Variants in CECR2 observed in about 807,000 individuals in gnomAD.
CECR2 encodes the protein CECR2 histone acetyl-lysine reader.
A neutral mutation model predicts 154.5 loss-of-function variants in CECR2; 30 were observed. The observed-to-expected ratio is 0.19, with a 90% CI of 0.15 to 0.26. The LOEUF is 0.26. Among genes scored for constraint, CECR2 ranks in the 10% least tolerant of loss-of-function variants. The probability of loss-of-function intolerance (pLI) is 1.00; values close to 1 mark genes in which losing one functional copy is unlikely to be tolerated. For synonymous variants in CECR2, 725 were observed against 683.7 expected, an observed-to-expected ratio of 1.06 and a Z score of -0.94; for missense variants, 1,743 against 1,829.3, an observed-to-expected ratio of 0.95 and a Z score of 0.86.
At chr22:17,552,174 C>T (rs371954003) in intron 18 of CECR2, 32 bp downstream of exon 18, 12 of 1,580,506 alleles carry the variant, frequency 7.6e-6, no homozygotes, top group Non-Finnish European at 1.0e-5. Context: ...AGCTGTTCTT[C>T]TTCCTCCAGG....
At chr22:17,521,598 AT>A (rs1263275614) in intron 8 of CECR2, among the ~76,000 whole-genome samples, 2 of 150,234 alleles carry the variant, frequency 1.3e-5, no homozygotes, top group Non-Finnish European at 3.0e-5. Flanking sequence ...GGGTTGTTTG[AT>A]TTTTTTTGTT....
At position 17,558,012 on chromosome 22, in the gene CECR2, C is replaced by T. The variant is rs557731547; in HGVS notation, c.*5172C>T. ...CCTGTTTCACTGAGAGCGACACTTA[C>T]CTCAATAGTTAGTTCAATATTGTGT... On this transcript the variant is annotated 3_prime_UTR_variant, in exon 19 of 19. Transcript: ENST00000262608. 6.6e-6 allele frequency: 1 copy of T among 152,306 alleles called. No individual in the cohort carries two copies. The highest frequency in any genetic ancestry group is 1.9e-4 in the East Asian group (1 of 5,184). The allele number at this position is 152,306 out of a possible 1,614,324, so 9.4% of individuals were successfully genotyped here. A position where few individuals can be genotyped will look rare whatever the true frequency, so the allele number is the denominator to read the frequency against.
At chr22:17,546,381 G>T (rs1167877071) in intron 16 of CECR2, among the ~76,000 whole-genome samples, 2 of 151,664 alleles carry the variant, frequency 1.3e-5, no homozygotes, top group Admixed American at 1.3e-4. Flanking sequence ...AGCTACTCCG[G>T]AGGCTGAGGT....
At chr22:17,551,377 G>T (rs2056705982) in intron 17 of CECR2, among the ~76,000 whole-genome samples, 1 of 143,534 alleles carries the variant, frequency 7.0e-6, no homozygotes, top group South Asian at 2.5e-4. Context: ...TCATGGATTT[G>T]CATTTGGCTG....
intron 2 of CECR2, among the ~76,000 whole-genome samples, chr22:17,478,384 C>T (rs2055246133): frequency 7.9e-6 from 1 of 127,050 alleles, no homozygotes. Flanking sequence ...GAGACGGAGT[C>T]TCACTCTGTC....
chr22:17,409,015 C>T (rs907785182), intron 1 of CECR2, among the ~76,000 whole-genome samples: 1 of 152,240 alleles, frequency 6.6e-6, no homozygotes, highest in African/African-American at 2.4e-5. Context: ...TGCACCTGCT[C>T]ATGGTTTCCA....
chr22:17,539,979 G>C (rs1358121386), intron 13 of CECR2, among the ~76,000 whole-genome samples: 1 of 152,130 alleles, frequency 6.6e-6, no homozygotes, highest in Non-Finnish European at 1.5e-5. Context: ...CTATCGGCAT[G>C]TGCGACCATA....
chr22:17,420,088 A>T (rs2054222538), intron 1 of CECR2, among the ~76,000 whole-genome samples: 1 of 152,242 alleles, frequency 6.6e-6, no homozygotes, highest in African/African-American at 2.4e-5. Flanking sequence ...TTCAATACTT[A>T]CGAAAGGAAG....
chr22:17,547,472 T>C (rs554205968), intron 16 of CECR2, among the ~76,000 whole-genome samples: 5 of 152,266 alleles, frequency 3.3e-5, no homozygotes, highest in African/African-American at 9.6e-5. Flanking sequence ...CCTCGTGATC[T>C]GCCCGCCTCG....
chr22:17,453,191 C>T (rs1310059067), intron 1 of CECR2, among the ~76,000 whole-genome samples: 1 of 152,156 alleles, frequency 6.6e-6, no homozygotes, highest in Non-Finnish European at 1.5e-5. Flanking sequence ...CCCGTAGTCC[C>T]AGAACTTTGG....
At chr22:17,481,762 T>C (rs1217354437) in intron 2 of CECR2, among the ~76,000 whole-genome samples, 1 of 152,206 alleles carries the variant, frequency 6.6e-6, no homozygotes, top group Non-Finnish European at 1.5e-5. Flanking sequence ...CATGCATTAC[T>C]CATGTGGTTA....
chr22:17,396,124 G>T (rs1222200262), intron 1 of CECR2, among the ~76,000 whole-genome samples: 2 of 151,318 alleles, frequency 1.3e-5, no homozygotes, highest in African/African-American at 2.4e-5. Context: ...TTACTGCAGT[G>T]CCAGCTACTT....
At chr22:17,419,768 T>C (rs1255890268) in intron 1 of CECR2, 3 of 283,476 alleles carry the variant, frequency 1.1e-5, no homozygotes, top group Non-Finnish European at 2.1e-5. Context: ...AAAAAGATGA[T>C]GGGGATAACA....
chr22:17,468,315 A>G (rs2146760118), intron 1 of CECR2, among the ~76,000 whole-genome samples: 1 of 152,220 alleles, frequency 6.6e-6, no homozygotes, highest in South Asian at 2.1e-4. Flanking sequence ...TTTCTGTGTA[A>G]TCTGTGTCTT....
chr22:17,429,752 T>C (rs543881541), intron 1 of CECR2, among the ~76,000 whole-genome samples: 2 of 152,136 alleles, frequency 1.3e-5, no homozygotes, highest in East Asian at 1.9e-4. Context: ...CAGCTTATTA[T>C]AAGGAAATGG....
chr22:17,397,686 A>G (rs1263539060), intron 1 of CECR2, among the ~76,000 whole-genome samples: 1 of 150,880 alleles, frequency 6.6e-6, no homozygotes, highest in East Asian at 2.0e-4. Context: ...TTTAGTAGAA[A>G]CGGGGTTTCA....
In CECR2 at chr22:17,555,489, C is replaced by T. The variant is rs1020346807; in HGVS notation, c.*2649C>T. 6.6e-6 allele frequency: 1 copy of T among 152,168 alleles called. No individual in the cohort carries two copies. Among genetic ancestry groups the T allele is most frequent in the African/African-American group, 2.4e-5 (1 of 41,426 alleles). 9.4% of individuals were successfully genotyped at this position (152,168 alleles called of 1,614,324 possible). On this transcript the variant is annotated 3_prime_UTR_variant, in exon 19 of 19. Transcript: ENST00000262608. Reference sequence around the variant, plus strand: ...GAAGTGCAGATCTGCTATAAGCTGTCTGGAGCTGCAAGGTTGCAGGAATCC... The same window carrying T: ...GAAGTGCAGATCTGCTATAAGCTGTTTGGAGCTGCAAGGTTGCAGGAATCC...
At chr22:17,516,204 G>C (rs1436809733) in intron 8 of CECR2, among the ~76,000 whole-genome samples, 1 of 151,826 alleles carries the variant, frequency 6.6e-6, no homozygotes, top group Non-Finnish European at 1.5e-5. Context: ...TCAAAATATA[G>C]AGATATATAT....
At chr22:17,456,015 G>A (rs1442191050) in intron 1 of CECR2, among the ~76,000 whole-genome samples, 1 of 152,068 alleles carries the variant, frequency 6.6e-6, no homozygotes, top group African/African-American at 2.4e-5. Flanking sequence ...AATCATGTGG[G>A]TTGTGATACC....
Sources: gnomAD v4.1 joint callset for allele counts (sites outside exome capture counted in the v4.1 genomes callset) on GRCh38, gnomAD v4.1.1 for gene constraint, MANE v1.5 for transcripts, NCBI Gene and HGNC (gene_info 2026-07-23, HGNC 2026-07-21) for gene names.